Variants in SEC24A observed in about 807,000 individuals in gnomAD.
SEC24A encodes SEC24 homolog A, COPII component, also known as protein transport protein Sec24A.
In SEC24A, 93 loss-of-function variants were observed where a neutral mutation model predicts 129.4. The ratio of observed to expected loss-of-function variants is 0.72; its 90% CI spans 0.61 to 0.85. The LOEUF (loss-of-function observed/expected upper bound fraction) is 0.85. Among genes scored for constraint, SEC24A ranks in the 40% least tolerant of loss-of-function variants. The pLI is 0.00. For missense variants in SEC24A, 1,264 were observed against 1,307.4 expected, an observed-to-expected ratio of 0.97 and a Z score of 0.51; for synonymous variants, 460 against 467.3, an observed-to-expected ratio of 0.98 and a Z score of 0.20.
intron 13 of SEC24A, among the ~76,000 whole-genome samples, chr5:134,695,463 C>G (rs186242348): frequency 3.2e-3 from 487 of 151,254 alleles, no homozygotes; most frequent in Non-Finnish European, 5.2e-3. Flanking sequence ...ACCAGCCTGG[C>G]CAACACGACG....
upstream of SEC24A, chr5:134,648,459 G>T (rs1241904998): frequency 6.6e-6 from 1 of 152,404 alleles, no homozygotes; most frequent in Non-Finnish European, 1.5e-5. Flanking sequence ...AACCCGAGGA[G>T]AGGAACTGTC....
chr5:134,650,693 G>A (rs1399080379), intron 1 of SEC24A, among the ~76,000 whole-genome samples: 1 of 151,472 alleles, frequency 6.6e-6, no homozygotes, highest in East Asian at 1.9e-4. Context: ...CCTGATCCAC[G>A]GTACCCAGAC....
intron 21 of SEC24A, among the ~76,000 whole-genome samples, chr5:134,722,136 G>T (rs1275722618): frequency 6.6e-6 from 1 of 152,116 alleles, no homozygotes; most frequent in Non-Finnish European, 1.5e-5. Flanking sequence ...TGTAAATAAG[G>T]TTTTATTGGA....
In SEC24A at chr5:134,652,433, G is replaced by A. The variant is rs560402237; in HGVS notation, c.97+3260G>A. 1.1e-4 allele frequency among the ~76,000 whole-genome samples: 17 copies of A among 150,698 alleles called. No individual in the cohort carries two copies. The South Asian group carries it at 2.3e-3, about 21-fold the overall frequency. Reference sequence around the variant, plus strand: ...CCTGAGCAACTGGGACTACAGGCATGCGCCACTATGTCTAGCTAATTTTTG... The same window carrying A: ...CCTGAGCAACTGGGACTACAGGCATACGCCACTATGTCTAGCTAATTTTTG... On this transcript the variant is annotated intron_variant, in intron 1 of 22. Coordinates refer to ENST00000398844, the MANE Select transcript of SEC24A (RefSeq NM_021982.3).
chr5:134,698,578 G>C (rs1275132423), intron 15 of SEC24A, among the ~76,000 whole-genome samples: 1 of 150,294 alleles, frequency 6.7e-6, no homozygotes, highest in Non-Finnish European at 1.5e-5. Flanking sequence ...ACTGCACTCC[G>C]GCCTGGGCAA....
chr5:134,720,131 T>C (rs1752589403), intron 20 of SEC24A, among the ~76,000 whole-genome samples: 1 of 152,226 alleles, frequency 6.6e-6, no homozygotes, highest in Non-Finnish European at 1.5e-5. Context: ...GTCCTAGGCC[T>C]TTACATTCAC....
intron 4 of SEC24A, among the ~76,000 whole-genome samples, chr5:134,674,287 T>G (rs1750974192): frequency 6.6e-6 from 1 of 152,204 alleles, no homozygotes; most frequent in Non-Finnish European, 1.5e-5. Context: ...TAGATTTATG[T>G]GTTGATTTAA....
chr5:134,682,468 C>T lies in SEC24A; in HGVS notation c.1477C>T (p.Pro493Ser). 2 of 1,568,424 alleles carry T rather than the reference C, an allele frequency of 1.3e-6. No individual in the cohort carries two copies. Among genetic ancestry groups the T allele is most frequent in the African/African-American group, 1.4e-5 (1 of 73,950 alleles). Residue 493 changes from proline to serine, a missense_variant, in exon 9 of 23, where the codon CCT (proline) becomes TCT (serine). Coordinates refer to ENST00000398844, the MANE Select transcript of SEC24A (RefSeq NM_021982.3). ...AAATGCTACTATTGAGTTTATGGCT[C>T]CTTCAGAATACATGGTAAACTTTTA... is the stretch of plus-strand genomic sequence containing the variant. ...VQNATIEFMAPSEYMLRPPQP... is the reference protein window; with the variant it reads ...VQNATIEFMASSEYMLRPPQP...
intron 1 of SEC24A, among the ~76,000 whole-genome samples, chr5:134,660,151 C>T (rs1298694326): frequency 6.9e-6 from 1 of 144,006 alleles, no homozygotes; most frequent in African/African-American, 2.6e-5. Flanking sequence ...TACTTGAGCT[C>T]AGGAATTTGA....
At chr5:134,700,734 T>C (rs1357600256) in intron 15 of SEC24A, among the ~76,000 whole-genome samples, 1 of 151,654 alleles carries the variant, frequency 6.6e-6, no homozygotes, top group African/African-American at 2.4e-5. Context: ...TTTTTTTTTT[T>C]CTGAGACCAC....
chr5:134,671,873 AG>A lies in SEC24A; in HGVS notation c.806del (p.Gly269ValfsTer16), dbSNP rs767193082. On this transcript the variant is annotated frameshift_variant, in exon 4 of 23. Coordinates refer to ENST00000398844, the MANE Select transcript of SEC24A (RefSeq NM_021982.3). LOFTEE classifies it high-confidence loss of function. ...VHSSYDEIEG[G>X]GLLATPQLTN... ...ACAGTAGTTACGACGAGATTGAAGG[AG>A]GTGGCTTATTGGGTGAGATGCTATG... The A allele has an allele frequency of 1.9e-6, 3 of 1,607,974 alleles. No homozygotes were observed. The South Asian group carries it at 3.4e-5, about 18-fold the overall frequency.
intron 15 of SEC24A, among the ~76,000 whole-genome samples, chr5:134,701,502 T>C (rs2150103258): frequency 1.6e-5 from 2 of 124,274 alleles, no homozygotes. Context: ...GCCAGGCAAC[T>C]CCTTTGCCCT....
chr5:134,688,292 T>C lies in SEC24A; in HGVS notation c.1716T>C (p.Asp572=). Residue 572 remains aspartate (D), a synonymous_variant, in exon 11 of 23, where the codon GAT becomes GAC. Coordinates refer to ENST00000398844, the MANE Select transcript of SEC24A (RefSeq NM_021982.3). Reference sequence around the variant, plus strand: ...AACCTCAGATGCTAATAGTTTCAGATATTGAAGGTATAGATTTATTGAACT... The same window carrying C: ...AACCTCAGATGCTAATAGTTTCAGACATTGAAGGTATAGATTTATTGAACT... ...LSQPQMLIVS[D]IEDVFIPMPE... The C allele has an allele frequency of 1.3e-6, 2 of 1,523,312 alleles. No homozygotes were observed. Among genetic ancestry groups the C allele is most frequent in the South Asian group, 2.3e-5 (2 of 88,490 alleles). 94.4% of individuals were successfully genotyped at this position (1,523,312 alleles called of 1,614,324 possible). A position where few individuals can be genotyped will look rare whatever the true frequency, so the allele number is the denominator to read the frequency against.
chr5:134,661,485 C>T lies in SEC24A; in HGVS notation c.464C>T (p.Ala155Val), dbSNP rs754616239. 2.4e-5 allele frequency: 38 copies of T among 1,614,030 alleles called. No homozygotes were observed. Among genetic ancestry groups the T allele is most frequent in the Non-Finnish European group, 3.0e-5 (35 of 1,179,992 alleles). The stretch of plus-strand genomic sequence containing the variant: ...TCACAAACAAACCATTGTCCTCGTG[C>T]ATCATCCCAACCAACTGTATCTGGA... ...TASQTNHCPR[A>V]SSQPTVSGNT... Residue 155 changes from alanine (A) to valine (V), a missense_variant, in exon 2 of 23, where the codon GCA (alanine) becomes GTA (valine). Ala to Val is a moderately conservative substitution (Grantham distance 64, BLOSUM62 0). Coordinates refer to ENST00000398844, the MANE Select transcript of SEC24A (RefSeq NM_021982.3).
intron 13 of SEC24A, among the ~76,000 whole-genome samples, chr5:134,694,874 C>A: frequency 6.6e-6 from 1 of 151,496 alleles, no homozygotes. Flanking sequence ...ACATTGATGG[C>A]CAAGGTGCTT....
rs1230625220 is a variant in SEC24A at position 134,703,773 on chromosome 5, A to C, written c.2281A>C (p.Thr761Pro). Reference sequence around the variant, plus strand: ...TTCTCTTCTAGGTCTTTCCATTCATACTTTCCATGGAAACTTCTTTGTTAG... The same window carrying C: ...TTCTCTTCTAGGTCTTTCCATTCATCCTTTCCATGGAAACTTCTTTGTTAG... ...IRCTKGLSIH[T>P]FHGNFFVRST... The change falls in exon 16 of 23, where the codon ACT becomes CCT. Residue 761 changes from threonine to proline, a missense_variant. Transcript: ENST00000398844. 54 of 1,611,298 alleles carry C rather than the reference A, an allele frequency of 3.4e-5. No individual in the cohort carries two copies. Among genetic ancestry groups the C allele is most frequent in the Non-Finnish European group, 4.5e-5 (53 of 1,177,774 alleles).
At chr5:134,673,051 ATTTTTT>A (rs375750332) in intron 4 of SEC24A, among the ~76,000 whole-genome samples, 8 of 113,678 alleles carry the variant, frequency 7.0e-5, no homozygotes, top group African/African-American at 2.7e-4. Flanking sequence ...CCCATTTAGG[ATTTTTT>A]TTTTTTTTTT....
chr5:134,705,090 AT>A (rs58181904), intron 16 of SEC24A, among the ~76,000 whole-genome samples: 4,117 of 123,246 alleles, frequency 0.033, 117 homozygotes, highest in East Asian at 0.11. Flanking sequence ...ATATATATAT[AT>A]TTTTTTTTTT....
At chr5:134,672,922 A>G (rs1166713796) in intron 4 of SEC24A, among the ~76,000 whole-genome samples, 2 of 150,716 alleles carry the variant, frequency 1.3e-5, no homozygotes, top group East Asian at 3.9e-4. Flanking sequence ...TTTTGTAGAG[A>G]TGGGGGGGTG....
Sources: gnomAD v4.1 joint callset for allele counts (sites outside exome capture counted in the v4.1 genomes callset) on GRCh38, gnomAD v4.1.1 for gene constraint, MANE v1.5 for transcripts, NCBI Gene and HGNC (gene_info 2026-07-23, HGNC 2026-07-21) for gene names.